LMCD1: variants seen among roughly 807,000 people sequenced by gnomAD.
The protein encoded by LMCD1 is LIM and cysteine rich domains 1.
LMCD1 carries 32 observed loss-of-function variants against 42.7 expected under a neutral mutation model. The observed-to-expected ratio is 0.75, with a 90% CI of 0.57 to 1.01. LMCD1 has a LOEUF of 1.01. LMCD1 is among the 50% of genes least tolerant of loss of function. The pLI is 0.00. For missense variants in LMCD1, 458 were observed against 483.1 expected, an observed-to-expected ratio of 0.95 and a Z score of 0.49; for synonymous variants, 178 against 184.9, an observed-to-expected ratio of 0.96 and a Z score of 0.30.
intron 4 of LMCD1, among the ~76,000 whole-genome samples, chr3:8,559,249 C>T (rs1694982654): frequency 6.6e-6 from 1 of 152,196 alleles, no homozygotes; most frequent in African/African-American, 2.4e-5. Context: ...AAATCCAGGC[C>T]TCCAAACCTG....
In LMCD1 at chr3:8,571,897, T is replaced by C. The variant is rs1695227035; in HGVS notation, c.*4299T>C. Reference sequence around the variant, plus strand: ...CACTCTTGAATATTTTCGTGTGTAATTCCTACAAATAAGGACATTCTCCCA... The same window carrying C: ...CACTCTTGAATATTTTCGTGTGTAACTCCTACAAATAAGGACATTCTCCCA... On this transcript the variant is annotated 3_prime_UTR_variant, in exon 6 of 6. Coordinates refer to ENST00000157600, the MANE Select transcript of LMCD1 (RefSeq NM_014583.4). 6.6e-6 allele frequency: 1 copy of C among 152,216 alleles called. No homozygotes were observed. Among genetic ancestry groups the C allele is most frequent in the Non-Finnish European group, 1.5e-5 (1 of 68,032 alleles). 9.4% of individuals were successfully genotyped at this position (152,216 alleles called of 1,614,324 possible). A position where few individuals can be genotyped will look rare whatever the true frequency, so the allele number is the denominator to read the frequency against.
At chr3:8,508,741 CA>C (rs1251260345) in intron 1 of LMCD1, among the ~76,000 whole-genome samples, 2 of 152,212 alleles carry the variant, frequency 1.3e-5, no homozygotes, top group African/African-American at 2.4e-5. Flanking sequence ...GTGCCACAAC[CA>C]AGATACATTG....
chr3:8,550,889 T>G (rs1021397050), intron 4 of LMCD1: 2 of 985,272 alleles, frequency 2.0e-6, no homozygotes, highest in African/African-American at 3.5e-5. Flanking sequence ...GACATCGTGT[T>G]TTATTCTTGA....
chr3:8,561,731 G>A (rs559884776), intron 4 of LMCD1, among the ~76,000 whole-genome samples: 10 of 152,270 alleles, frequency 6.6e-5, no homozygotes, highest in Admixed American at 2.0e-4. Flanking sequence ...ATGATTTTCC[G>A]AATAGAAAAA....
Position 8,553,404 on chromosome 3 carries a change from G to T in LMCD1, c.723+4501G>T, listed in dbSNP as rs139677536. On this transcript the variant is annotated intron_variant, in intron 4 of 5. Coordinates refer to ENST00000157600, the MANE Select transcript of LMCD1 (RefSeq NM_014583.4). Reference sequence around the variant, plus strand: ...ATGTCCACACCAGAGAAGCGTTATTGCAAAAATGCCTGTATGGAATTCCTA... The same window carrying T: ...ATGTCCACACCAGAGAAGCGTTATTTCAAAAATGCCTGTATGGAATTCCTA... Among the ~76,000 whole-genome samples the T allele has an allele frequency of 2.1e-3, 326 of 152,208 alleles. 3 individuals carry two copies. The highest frequency in any genetic ancestry group is 5.0e-3 in the East Asian group (26 of 5,180).
At position 8,532,790 on chromosome 3, in the gene LMCD1, G is replaced by A. The variant is rs745847397; in HGVS notation, c.96G>A (p.Lys32=). The part of the protein sequence containing the change: ...SARGVACLGC[K]GTCSGFEPHS... ...GAGGTGTGGCATGTTTGGGATGCAA[G>A]GGGACGTGTTCGGGCTTCGAGCCAC... Residue 32 remains lysine, a synonymous_variant, in exon 2 of 6, where the codon AAG becomes AAA. Coordinates refer to ENST00000157600, the MANE Select transcript of LMCD1 (RefSeq NM_014583.4). 3 of 1,613,946 alleles carry A rather than the reference G, an allele frequency of 1.9e-6. No individual in the cohort carries two copies. Among genetic ancestry groups the A allele is most frequent in the Admixed American group, 1.7e-5 (1 of 59,998 alleles).
At chr3:8,564,089 C>T (rs905783764) in intron 4 of LMCD1, among the ~76,000 whole-genome samples, 2 of 151,972 alleles carry the variant, frequency 1.3e-5, no homozygotes, top group African/African-American at 4.8e-5. Flanking sequence ...TTTATGAACA[C>T]GTGAATAAAG....
chr3:8,537,178 C>T lies in LMCD1; in HGVS notation c.132-7C>T. 1 of 1,612,854 alleles carries T rather than the reference C, an allele frequency of 6.2e-7. No individual in the cohort carries two copies. The highest frequency in any genetic ancestry group is 8.5e-7 in the Non-Finnish European group (1 of 1,179,014). On this transcript the variant is annotated splice_region_variant and splice_polypyrimidine_tract_variant and intron_variant, in intron 2 of 5. Transcript: ENST00000157600. ...AATCTCACTGGTCCCCATCCACCCA[C>T]CCCCAGGAAAATATGCAAGTCTTGC...
chr3:8,501,842 G>T lies in LMCD1; in HGVS notation c.-97G>T, dbSNP rs17049212. 4.3e-4 allele frequency: 468 copies of T among 1,083,418 alleles called. 1 individual carries two copies. In the East Asian group the frequency reaches 0.011, roughly 25 times the overall value. 67.1% of individuals were successfully genotyped at this position (1,083,418 alleles called of 1,614,324 possible). A position where few individuals can be genotyped will look rare whatever the true frequency, so the allele number is the denominator to read the frequency against. On this transcript the variant is annotated 5_prime_UTR_variant, in exon 1 of 6. Transcript: ENST00000157600. ...GGCTGCGCACAGAGCTCCCTCCCAGGCCCGCGAACTTGGCCATTCAGCCGC... is the reference window on the plus strand; with the variant it reads ...GGCTGCGCACAGAGCTCCCTCCCAGTCCCGCGAACTTGGCCATTCAGCCGC...
chr3:8,543,436 TAGATAGAC>T lies in LMCD1; in HGVS notation c.388-5128_388-5121del, dbSNP rs1216374203. Among the ~76,000 whole-genome samples the T allele has an allele frequency of 1.6e-3, 214 of 136,748 alleles. 2 individuals carry two copies. The highest frequency in any genetic ancestry group is 7.8e-3 in the Middle Eastern group (2 of 256). The allele number at this position is 136,748 out of a possible 152,430, so 89.7% of individuals were successfully genotyped here. On this transcript the variant is annotated intron_variant, in intron 3 of 5. Coordinates refer to ENST00000157600, the MANE Select transcript of LMCD1 (RefSeq NM_014583.4). ...ATAGATAGATAGATAGATAGATAGATAGATAGACAGACAGACAGAGAGATAGACAGACA... is the reference window on the plus strand; with the variant it reads ...ATAGATAGATAGATAGATAGATAGATAGACAGACAGAGAGATAGACAGACA...
chr3:8,535,622 C>T (rs1031035647), intron 2 of LMCD1, among the ~76,000 whole-genome samples: 1 of 152,204 alleles, frequency 6.6e-6, no homozygotes, highest in East Asian at 1.9e-4. Context: ...TTCTATGTAC[C>T]ACATACTAAT....
chr3:8,512,694 G>A (rs1215670111), intron 1 of LMCD1, among the ~76,000 whole-genome samples: 1 of 152,178 alleles, frequency 6.6e-6, no homozygotes, highest in Non-Finnish European at 1.5e-5. Context: ...GCCCAGCCCA[G>A]AAATGGGACC....
intron 3 of LMCD1, among the ~76,000 whole-genome samples, chr3:8,543,633 C>T (rs1297249079): frequency 2.6e-5 from 4 of 152,202 alleles, no homozygotes; most frequent in Non-Finnish European, 5.9e-5. Flanking sequence ...CAGGCATGTG[C>T]CACCACACCT....
intron 3 of LMCD1, among the ~76,000 whole-genome samples, chr3:8,543,386 A>AGATAGATAGAT (rs1214564969): frequency 1.1e-5 from 1 of 92,826 alleles, no homozygotes; most frequent in Non-Finnish European, 2.6e-5. Context: ...GCTGATAGAT[A>AGATAGATAGAT]GATAGATAGA....
intron 4 of LMCD1, among the ~76,000 whole-genome samples, chr3:8,549,634 T>G (rs1472288959): frequency 1.3e-5 from 2 of 152,232 alleles, no homozygotes; most frequent in East Asian, 3.8e-4. Context: ...AAGTTTCCTC[T>G]AGCAGTGTCT....
rs1042401051 is a variant in LMCD1, at chr3:8,568,616, C to G, written c.*1018C>G. Reference sequence around the variant, plus strand: ...AAAATTAATCTAAAATTTAACAATGCCACTTTTATGAGAAATCTCAATTTT... The same window carrying G: ...AAAATTAATCTAAAATTTAACAATGGCACTTTTATGAGAAATCTCAATTTT... On this transcript the variant is annotated 3_prime_UTR_variant, in exon 6 of 6. Coordinates refer to ENST00000157600, the MANE Select transcript of LMCD1 (RefSeq NM_014583.4). 1.3e-5 allele frequency: 2 copies of G among 152,150 alleles called. No homozygotes were observed. Among genetic ancestry groups the G allele is most frequent in the African/African-American group, 4.8e-5 (2 of 41,422 alleles). The allele number at this position is 152,150 out of a possible 1,614,324, so 9.4% of individuals were successfully genotyped here.
intron 4 of LMCD1, among the ~76,000 whole-genome samples, chr3:8,560,018 G>A (rs1300981016): frequency 1.3e-5 from 2 of 152,188 alleles, no homozygotes; most frequent in African/African-American, 4.8e-5. Context: ...AACAAGCTCT[G>A]TGAACAAGAA....
intron 3 of LMCD1, among the ~76,000 whole-genome samples, chr3:8,546,559 C>T (rs927398915): frequency 2.0e-5 from 3 of 152,224 alleles, no homozygotes; most frequent in Non-Finnish European, 2.9e-5. Flanking sequence ...CAGGACAAGC[C>T]GATTCCAGAG....
chr3:8,567,744 T>A lies in LMCD1; in HGVS notation c.*146T>A. 1.7e-6 allele frequency: 1 copy of A among 579,576 alleles called. No individual in the cohort carries two copies. Among genetic ancestry groups the A allele is most frequent in the Non-Finnish European group, 2.8e-6 (1 of 361,162 alleles). The allele number at this position is 579,576 out of a possible 1,614,324, so 35.9% of individuals were successfully genotyped here. A position where few individuals can be genotyped will look rare whatever the true frequency, so the allele number is the denominator to read the frequency against. On this transcript the variant is annotated 3_prime_UTR_variant, in exon 6 of 6. Transcript: ENST00000157600. ...TTTCAGTGAGAATATATATATGAGA[T>A]ATATATAGATATATATTCTAGGTTG...
Sources: allele counts gnomAD v4.1 joint callset (sites outside exome capture counted in the v4.1 genomes callset), GRCh38; gene constraint gnomAD v4.1.1; transcripts MANE v1.5; gene names NCBI Gene and HGNC (gene_info 2026-07-23, HGNC 2026-07-21).